Variants in SH3BP4 observed in about 807,000 individuals in gnomAD.
SH3BP4 encodes the protein SH3 domain binding protein 4.
SH3BP4 carries 33 observed loss-of-function variants against 65.5 expected under a neutral mutation model. The observed-to-expected ratio is 0.50, with a 90% CI of 0.38 to 0.67. SH3BP4 has a LOEUF of 0.67. SH3BP4 is among the 30% of genes least tolerant of loss of function. SH3BP4 has a pLI of 0.00. For synonymous variants in SH3BP4, 552 were observed against 545.5 expected, an observed-to-expected ratio of 1.01 and a Z score of -0.17; for missense variants, 1,134 against 1,261.4, an observed-to-expected ratio of 0.90 and a Z score of 1.53.
chr2:235,007,676 A>G (rs1466178307), intron 2 of SH3BP4, among the ~76,000 whole-genome samples: 1 of 152,204 alleles, frequency 6.6e-6, no homozygotes, highest in East Asian at 1.9e-4. Context: ...GGGCGCTGCC[A>G]GTTGCTAAGT....
rs1032126701 is a variant in SH3BP4, at chr2:235,052,156, C to T, written c.2479-406C>T. ...TTCCTTGGCTTGTTGCCGCATCTGT[C>T]CCGTCTCTGCCTCCGTCTTCACACG... is the stretch of plus-strand genomic sequence containing the variant. On this transcript the variant is annotated intron_variant, in intron 4 of 5. Transcript: ENST00000392011. The surrounding 1 kb of genome is among the most constrained non-coding windows in gnomAD (Gnocchi z 5.0). Among the ~76,000 whole-genome samples, 13 of 151,438 alleles carry T rather than the reference C, an allele frequency of 8.6e-5. No homozygotes were observed. Among genetic ancestry groups the T allele is most frequent in the African/African-American group, 1.7e-4 (7 of 41,106 alleles).
rs1421894627 is a variant in SH3BP4 at position 235,053,621 on chromosome 2, A to C, written c.2697A>C (p.Leu899Phe). ...TGTGGAAGCCTGCGTATGACTTCTT[A>C]CTCACCTGGAGCCATCAGATCGGGG... is the stretch of plus-strand genomic sequence containing the variant. ...EAMWKPAYDF[L>F]LTWSHQIGDS... The change falls in exon 6 of 6, where the codon TTA becomes TTC. Residue 899 changes from leucine to phenylalanine, a missense_variant. By Grantham distance (22) the Leu-to-Phe change is conservative. Coordinates refer to ENST00000392011, the MANE Select transcript of SH3BP4 (RefSeq NM_014521.3). 1 of 1,613,946 alleles carries C rather than the reference A, an allele frequency of 6.2e-7. No individual in the cohort carries two copies. Among genetic ancestry groups the C allele is most frequent in the South Asian group, 1.1e-5 (1 of 91,062 alleles).
At chr2:235,031,774 G>GCTCTAGA (rs1373605830) in intron 2 of SH3BP4, among the ~76,000 whole-genome samples, 5 of 152,220 alleles carry the variant, frequency 3.3e-5, no homozygotes, top group Admixed American at 2.0e-4. Context: ...CCCACTAGGT[G>GCTCTAGA]GCCAGTCGTG....
At chr2:234,984,011 C>T (rs1371496382) in intron 1 of SH3BP4, among the ~76,000 whole-genome samples, 4 of 152,208 alleles carry the variant, frequency 2.6e-5, no homozygotes, top group Non-Finnish European at 4.4e-5. Flanking sequence ...CAGGGTTCTG[C>T]GGCTTTGAGG....
chr2:234,996,008 T>G (rs1394554688), intron 2 of SH3BP4: 1 of 152,244 alleles, frequency 6.6e-6, no homozygotes, highest in African/African-American at 2.4e-5. Context: ...GAGGTTTTCT[T>G]GGCTGTTCTT....
intron 4 of SH3BP4, among the ~76,000 whole-genome samples, chr2:235,043,995 C>T (rs937958433): frequency 2.0e-5 from 3 of 152,244 alleles, no homozygotes; most frequent in Admixed American, 1.3e-4. Flanking sequence ...GGGCAGAAGG[C>T]GGCCTGTGCT....
Position 235,042,127 on chromosome 2 carries a change from T to TCGTGGCC in SH3BP4, c.1360_1366dup (p.His456ArgfsTer19), listed in dbSNP as rs754965733. 42 of 1,613,880 alleles carry TCGTGGCC rather than the reference T, an allele frequency of 2.6e-5. No individual in the cohort carries two copies. The highest frequency in any genetic ancestry group is 8.5e-7 in the Non-Finnish European group (1 of 1,180,036). On this transcript the variant is annotated frameshift_variant, in exon 4 of 6. Transcript: ENST00000392011. LOFTEE classifies it high-confidence loss of function. This position sits in a 1 kb window ranked among gnomAD's most constrained non-coding sequence, Gnocchi z 7.3. Reference sequence around the variant, plus strand: ...CTGGAGCCCTGTATGTACGTGGCTGTCGTGGCCCATGGCCCAAGCATCCTC... The same window carrying TCGTGGCC: ...CTGGAGCCCTGTATGTACGTGGCTGTCGTGGCCCGTGGCCCATGGCCCAAGCATCCTC...
intron 1 of SH3BP4, among the ~76,000 whole-genome samples, chr2:234,984,891 T>TC (rs1304506746): frequency 4.6e-5 from 7 of 152,188 alleles, no homozygotes; most frequent in African/African-American, 1.4e-4. Flanking sequence ...GAAAAGCTAA[T>TC]CGGGGGTCAG....
intron 2 of SH3BP4, among the ~76,000 whole-genome samples, chr2:235,007,049 G>C (rs1184683331): frequency 1.3e-5 from 2 of 152,080 alleles, no homozygotes; most frequent in Non-Finnish European, 2.9e-5. Flanking sequence ...GGTAAAGGAT[G>C]TCATCTTCCC....
chr2:234,985,815 A>G (rs1384166901), intron 1 of SH3BP4, among the ~76,000 whole-genome samples: 4 of 151,888 alleles, frequency 2.6e-5, no homozygotes, highest in Non-Finnish European at 5.9e-5. Context: ...ACACACGCCT[A>G]CGAGCTCAAG....
Position 235,042,655 on chromosome 2 carries a change from A to G in SH3BP4, c.1886A>G (p.Asn629Ser), listed in dbSNP as rs755354814. ...GGGCAAAGGAGGTTTCTCAAGAAGA[A>G]CGAAGTCGGGAAAATCATCCTGTCC... ...PSGQRRFLKK[N>S]EVGKIILSPF... Residue 629 changes from asparagine (N) to serine (S), a missense_variant, in exon 4 of 6, where the codon AAC (asparagine) becomes AGC (serine). By Grantham distance (46) the Asn-to-Ser change is conservative. Coordinates refer to ENST00000392011, the MANE Select transcript of SH3BP4 (RefSeq NM_014521.3). The surrounding 1 kb of genome is among the most constrained non-coding windows in gnomAD (Gnocchi z 7.3). 3.1e-6 allele frequency: 5 copies of G among 1,614,176 alleles called. No homozygotes were observed. Among genetic ancestry groups the G allele is most frequent in the Admixed American group, 1.7e-5 (1 of 60,030 alleles).
chr2:234,969,957 T>A (rs1295731919), intron 1 of SH3BP4, among the ~76,000 whole-genome samples: 1 of 136,738 alleles, frequency 7.3e-6, no homozygotes, highest in African/African-American at 3.5e-5. Flanking sequence ...TCCCTGTCTC[T>A]CACACACACA....
intron 1 of SH3BP4, among the ~76,000 whole-genome samples, chr2:234,958,823 A>G (rs1169910786): frequency 6.6e-6 from 1 of 152,034 alleles, no homozygotes; most frequent in African/African-American, 2.4e-5. Flanking sequence ...ATAATAGAAG[A>G]AATAGCACAG....
rs1035496737 is a variant in SH3BP4, at chr2:234,974,906, G to T, written c.-206-20397G>T. Among the ~76,000 whole-genome samples the T allele has an allele frequency of 6.6e-6, 1 of 152,166 alleles. No individual in the cohort carries two copies. The highest frequency in any genetic ancestry group is 2.4e-5 in the African/African-American group (1 of 41,448). On this transcript the variant is annotated intron_variant, in intron 1 of 5. Transcript: ENST00000392011. This position sits in a 1 kb window ranked among gnomAD's most constrained non-coding sequence, Gnocchi z 4.6. Reference sequence around the variant, plus strand: ...CGCCCTGCCTGCCCCGTTACGTGGCGATTTGTGATGGGGATCATAATAAAA... The same window carrying T: ...CGCCCTGCCTGCCCCGTTACGTGGCTATTTGTGATGGGGATCATAATAAAA...
At position 235,030,681 on chromosome 2, in the gene SH3BP4, G is replaced by T. The variant is rs554036893; in HGVS notation, c.-132-4190G>T. 6.6e-6 allele frequency among the ~76,000 whole-genome samples: 1 copy of T among 152,146 alleles called. No homozygotes were observed. The highest frequency in any genetic ancestry group is 1.5e-5 in the Non-Finnish European group (1 of 68,020). On this transcript the variant is annotated intron_variant, in intron 2 of 5. Transcript: ENST00000392011. The surrounding 1 kb of genome is among the most constrained non-coding windows in gnomAD (Gnocchi z 4.1). ...GGGGAGAGGATTCTGCTGTAGGAAA[G>T]AGGACAGAGCTGACATCCCAGTGAG...
At chr2:235,008,709 C>T (rs1055305508) in intron 2 of SH3BP4, 1 of 152,322 alleles carries the variant, frequency 6.6e-6, no homozygotes, top group South Asian at 2.1e-4. Context: ...CAAAAGGCCA[C>T]CGGCCTCTGG....
intron 1 of SH3BP4, among the ~76,000 whole-genome samples, chr2:234,956,427 CAG>C (rs1010427447): frequency 3.5e-4 from 54 of 152,308 alleles, no homozygotes; most frequent in African/African-American, 1.2e-3. Context: ...AAGCTTATCT[CAG>C]GGGAGCTCTC....
chr2:235,038,165 T>TACACAC (rs1168957764), intron 3 of SH3BP4, among the ~76,000 whole-genome samples: 1 of 140,586 alleles, frequency 7.1e-6, no homozygotes. Context: ...GAAACACACA[T>TACACAC]ACACACACAC....
intron 2 of SH3BP4, among the ~76,000 whole-genome samples, chr2:235,009,012 T>C (rs1193070166): frequency 6.6e-6 from 1 of 152,216 alleles, no homozygotes; most frequent in Non-Finnish European, 1.5e-5. Flanking sequence ...CAGCTTGTGT[T>C]CTCTGGGATT....
Sources: allele counts gnomAD v4.1 joint callset (sites outside exome capture counted in the v4.1 genomes callset), GRCh38; gene constraint gnomAD v4.1.1; non-coding constraint Gnocchi (gnomAD v3.1); transcripts MANE v1.5; gene names NCBI Gene and HGNC (gene_info 2026-07-23, HGNC 2026-07-21).